The following HIVEP1 variants were observed in gnomAD, a reference collection of about 807,000 sequenced individuals.
HIVEP1 encodes zinc finger protein 40.
HIVEP1 carries 36 observed loss-of-function variants against 180.0 expected under a neutral mutation model. The observed-to-expected ratio is 0.20, with a 90% CI of 0.15 to 0.26. HIVEP1 has a LOEUF of 0.26. Among genes scored for constraint, HIVEP1 ranks in the 10% least tolerant of loss-of-function variants. The pLI is 1.00. For synonymous variants in HIVEP1, 1,239 were observed against 1,239.0 expected (o/e 1.00, Z 0.00); for missense variants, 3,143 against 3,268.7 (o/e 0.96, Z 0.94).
intron 2 of HIVEP1, among the ~76,000 whole-genome samples, chr6:12,053,264 G>T (rs1180132584): frequency 1.3e-5 from 2 of 151,976 alleles, no homozygotes; most frequent in Admixed American, 6.6e-5. Context: ...GGGATATTTT[G>T]TGGCATATAT....
chr6:12,016,032 T>C (rs1211584611), intron 2 of HIVEP1, among the ~76,000 whole-genome samples: 1 of 150,038 alleles, frequency 6.7e-6, no homozygotes. Flanking sequence ...TGTTTTTTTT[T>C]CACTCTTCCT....
At chr6:12,176,069 T>C in the HIVEP1 span, among the ~76,000 whole-genome samples, 2 of 152,152 alleles carry the variant, frequency 1.3e-5, no homozygotes, top group African/African-American at 4.8e-5. Flanking sequence ...TCTCCAGTTC[T>C]GCTGGGATCC....
intron 2 of HIVEP1, among the ~76,000 whole-genome samples, chr6:12,027,174 G>T (rs952463475): frequency 1.3e-5 from 2 of 152,158 alleles, no homozygotes; most frequent in Non-Finnish European, 2.9e-5. Flanking sequence ...GGGAAATAGA[G>T]AGTTAACACA....
chr6:12,093,605 A>C (rs943429320), intron 3 of HIVEP1, among the ~76,000 whole-genome samples: 13 of 151,672 alleles, frequency 8.6e-5, no homozygotes, highest in Non-Finnish European at 1.8e-4. Flanking sequence ...TTTTTTTCTC[A>C]AGTGGGTAAC....
the HIVEP1 span, among the ~76,000 whole-genome samples, chr6:12,206,031 T>C: frequency 1.3e-5 from 2 of 152,182 alleles, no homozygotes; most frequent in African/African-American, 4.8e-5. Context: ...TGTGACCTTA[T>C]ATGGAGACAG....
At position 12,122,955 on chromosome 6, in the gene HIVEP1, A is replaced by G; in HGVS notation, c.3160A>G (p.Ser1054Gly). 6.2e-7 allele frequency: 1 copy of G among 1,613,840 alleles called. No individual in the cohort carries two copies. The highest frequency in any genetic ancestry group is 8.5e-7 in the Non-Finnish European group (1 of 1,179,938). ...QQNESGTSPKSSEGLQFQNAL... is the reference protein window; with the variant it reads ...QQNESGTSPKGSEGLQFQNAL... ...AAATGAAAGTGGAACATCTCCAAAA[A>G]GTTCTGAAGGCCTTCAGTTTCAGAA... Residue 1054 changes from serine (S) to glycine (G), a missense_variant, in exon 4 of 9, where the codon AGT (serine) becomes GGT (glycine). By Grantham distance (56) the Ser-to-Gly change is moderately conservative (BLOSUM62 0). This residue lies in a region of HIVEP1 where 1,357 missense variants were observed against 1,260.5 expected (regional missense o/e 1.08). Coordinates refer to ENST00000379388, the MANE Select transcript of HIVEP1 (RefSeq NM_002114.4).
chr6:12,142,437 G>T (rs1457327734), intron 7 of HIVEP1, among the ~76,000 whole-genome samples: 3 of 152,164 alleles, frequency 2.0e-5, no homozygotes, highest in African/African-American at 7.2e-5. Context: ...AAGCAGGAAA[G>T]ATGTAAAATC....
In HIVEP1 at chr6:12,063,173, C is replaced by T. The variant is rs907389136; in HGVS notation, c.41-26011C>T. On this transcript the variant is annotated intron_variant, in intron 2 of 8. Coordinates refer to ENST00000379388, the MANE Select transcript of HIVEP1 (RefSeq NM_002114.4). The surrounding 1 kb of genome is among the most constrained non-coding windows in gnomAD (Gnocchi z 4.2). ...GATATGATTAAAGTAATATTGAATG[C>T]TTTTCAGTTATCATTAAAATATTTA... Among the ~76,000 whole-genome samples, 2 of 152,114 alleles carry T rather than the reference C, an allele frequency of 1.3e-5. No individual in the cohort carries two copies. Among genetic ancestry groups the T allele is most frequent in the Admixed American group, 6.5e-5 (1 of 15,280 alleles).
At chr6:12,062,581 T>C (rs1180484717) in intron 2 of HIVEP1, among the ~76,000 whole-genome samples, 1 of 152,212 alleles carries the variant, frequency 6.6e-6, no homozygotes, top group Admixed American at 6.5e-5. Flanking sequence ...GAGTATTTGT[T>C]AGACAATAAG....
At chr6:12,020,343 A>G (rs563013285) in intron 2 of HIVEP1, 18 of 471,160 alleles carry the variant, frequency 3.8e-5, no homozygotes, top group African/African-American at 2.2e-4. Flanking sequence ...TTCAGAAGAA[A>G]GGCTTAGCAT....
chr6:12,133,032 T>C (rs1241312602), intron 6 of HIVEP1, among the ~76,000 whole-genome samples: 1 of 152,114 alleles, frequency 6.6e-6, no homozygotes, highest in African/African-American at 2.4e-5. Context: ...TTATTGAAAG[T>C]GTCGGGTTAC....
chr6:12,039,706 A>G (rs1476987551), intron 2 of HIVEP1, among the ~76,000 whole-genome samples: 1 of 152,218 alleles, frequency 6.6e-6, no homozygotes, highest in African/African-American at 2.4e-5. Flanking sequence ...TCTTTGACTC[A>G]GGGAACGACC....
At chr6:12,042,272 G>A (rs896242243) in intron 2 of HIVEP1, among the ~76,000 whole-genome samples, 16 of 149,028 alleles carry the variant, frequency 1.1e-4, no homozygotes, top group African/African-American at 4.0e-4. Flanking sequence ...CAGTAGAGAC[G>A]GGGTTTCACC....
intron 2 of HIVEP1, among the ~76,000 whole-genome samples, chr6:12,022,775 T>C (rs910816983): frequency 7.9e-5 from 12 of 152,310 alleles, no homozygotes; most frequent in African/African-American, 2.9e-4. Context: ...TGTAAATGCA[T>C]TTTAGGCTTC....
intron 2 of HIVEP1, among the ~76,000 whole-genome samples, chr6:12,018,545 CTA>C (rs1367816114): frequency 1.3e-5 from 2 of 152,218 alleles, no homozygotes; most frequent in African/African-American, 4.8e-5. Flanking sequence ...AAACATGTAA[CTA>C]TGTACTATGG....
At chr6:12,138,903 G>A (rs910595812) in intron 7 of HIVEP1, among the ~76,000 whole-genome samples, 2 of 151,668 alleles carry the variant, frequency 1.3e-5, no homozygotes, top group South Asian at 2.1e-4. Context: ...TCTTTCTCAC[G>A]TGTTGCCTCT....
intron 2 of HIVEP1, among the ~76,000 whole-genome samples, chr6:12,030,095 T>C (rs886644338): frequency 1.3e-5 from 2 of 152,204 alleles, no homozygotes; most frequent in Non-Finnish European, 2.9e-5. Flanking sequence ...TTTGTTGTTT[T>C]TCTTTCTGAA....
chr6:12,143,579 AAAG>A (rs1271624966), intron 7 of HIVEP1, among the ~76,000 whole-genome samples: 2 of 152,202 alleles, frequency 1.3e-5, no homozygotes, highest in African/African-American at 2.4e-5. Flanking sequence ...TCAATTAGGA[AAAG>A]AAGAAGTCAA....
rs1345297540 is a variant in HIVEP1 at position 12,163,415 on chromosome 6, C to G, written c.7111C>G (p.Pro2371Ala). 7 of 1,614,180 alleles carry G rather than the reference C, an allele frequency of 4.3e-6. No individual in the cohort carries two copies. In the Admixed American group the frequency reaches 8.3e-5, roughly 19 times the overall value. The change falls in exon 9 of 9, where the codon CCA becomes GCA. Residue 2371 changes from proline to alanine, a missense_variant. By Grantham distance (27) the Pro-to-Ala change is conservative. Coordinates refer to ENST00000379388, the MANE Select transcript of HIVEP1 (RefSeq NM_002114.4). The stretch of plus-strand genomic sequence containing the variant: ...GCAGCAAATAACTCTACAGCCGACT[C>G]CAGGCTTGCCTTCTCCCCACACTCA... Reference protein sequence around the residue: ...QKQQITLQPTPGLPSPHTHLF... With the variant: ...QKQQITLQPTAGLPSPHTHLF...
Sources: allele counts gnomAD v4.1 joint callset (sites outside exome capture counted in the v4.1 genomes callset), GRCh38; gene constraint gnomAD v4.1.1; regional missense constraint gnomAD v4.1.1; non-coding constraint Gnocchi (gnomAD v3.1); transcripts MANE v1.5; gene names NCBI Gene and HGNC (gene_info 2026-07-23, HGNC 2026-07-21).